CACNB4: variants seen among roughly 807,000 people sequenced by gnomAD.
CACNB4 encodes voltage-dependent L-type calcium channel subunit beta-4.
Under a neutral mutation model 71.2 loss-of-function variants are expected in CACNB4, and 32 were observed. The ratio of observed to expected loss-of-function variants is 0.45; its 90% CI spans 0.34 to 0.60. The LOEUF is 0.60. CACNB4 is among the 20% of genes least tolerant of loss of function. The pLI is 0.01. For synonymous variants in CACNB4, 231 were observed against 236.9 expected, an observed-to-expected ratio of 0.97 and a Z score of 0.23; for missense variants, 464 against 647.9, an observed-to-expected ratio of 0.72 and a Z score of 3.08.
At chr2:152,044,652 T>A (rs1020640720) in intron 2 of CACNB4, among the ~76,000 whole-genome samples, 5 of 152,184 alleles carry the variant, frequency 3.3e-5, no homozygotes, top group African/African-American at 1.2e-4. Context: ...CACATACAAA[T>A]AAAAACTACT....
At chr2:152,014,952 G>A (rs1379797103) in intron 2 of CACNB4, among the ~76,000 whole-genome samples, 1 of 152,152 alleles carries the variant, frequency 6.6e-6, no homozygotes, top group African/African-American at 2.4e-5. Context: ...TGGAAGGCAA[G>A]GCGCTGTAAA....
Position 151,917,514 on chromosome 2 carries a change from A to G in CACNB4, c.148-34144T>C, listed in dbSNP as rs1196534583. Among the ~76,000 whole-genome samples the G allele has an allele frequency of 2.0e-5, 3 of 152,156 alleles. No homozygotes were observed. In the East Asian group the frequency reaches 5.8e-4, roughly 29 times the overall value. ...AAATGTTTAAAAATATATTTGCTAC[A>G]GTGAGGATGATGATGAATACCAGAT... On this transcript the variant is annotated intron_variant, in intron 2 of 13. Transcript: ENST00000539935.
intron 2 of CACNB4, among the ~76,000 whole-genome samples, chr2:151,986,918 G>GC (rs1553804216): frequency 6.6e-6 from 1 of 152,042 alleles, no homozygotes; most frequent in Non-Finnish European, 1.5e-5. Flanking sequence ...TTCAGAGATT[G>GC]TTTTTTTCCC....
At chr2:151,916,667 G>A (rs1055198118) in intron 2 of CACNB4, among the ~76,000 whole-genome samples, 4 of 152,168 alleles carry the variant, frequency 2.6e-5, no homozygotes, top group East Asian at 1.9e-4. Context: ...TTGAAACTAC[G>A]TACAATACCT....
chr2:152,010,387 G>A (rs1376634584), intron 2 of CACNB4, among the ~76,000 whole-genome samples: 1 of 152,148 alleles, frequency 6.6e-6, no homozygotes, highest in Non-Finnish European at 1.5e-5. Flanking sequence ...GAAGGCTTTG[G>A]GACTTGAGAT....
rs545499225 is a variant in CACNB4, at chr2:151,869,592, C to T, written c.700-357G>A. ...CTTGGCACGCCTGAGTTGTGCCTGC[C>T]TCCAGTGAGGAGCAGCTAGAGAACT... On this transcript the variant is annotated intron_variant, in intron 8 of 13. Transcript: ENST00000539935. The T allele has an allele frequency of 1.6e-5, 3 of 188,964 alleles. No homozygotes were observed. In the Admixed American group the frequency reaches 1.7e-4, roughly 11 times the overall value. The allele number at this position is 188,964 out of a possible 1,614,324, so 11.7% of individuals were successfully genotyped here.
At chr2:152,041,274 G>A (rs1579185573) in intron 2 of CACNB4, among the ~76,000 whole-genome samples, 1 of 152,294 alleles carries the variant, frequency 6.6e-6, no homozygotes, top group African/African-American at 2.4e-5. Context: ...TTTGTGTATA[G>A]AGAGATCTGT....
upstream of CACNB4, chr2:152,099,049 G>A (rs1688448936): frequency 1.4e-6 from 2 of 1,433,346 alleles, no homozygotes; most frequent in Non-Finnish European, 1.9e-6. Flanking sequence ...GTGTGCGGTG[G>A]GCGGAGGGGG....
chr2:151,849,753 C>T (rs1281512017), intron 12 of CACNB4, among the ~76,000 whole-genome samples: 1 of 152,184 alleles, frequency 6.6e-6, no homozygotes, highest in Non-Finnish European at 1.5e-5. Context: ...GGTACCAGGT[C>T]AGCCGCCAGC....
intron 12 of CACNB4, among the ~76,000 whole-genome samples, chr2:151,842,861 G>A (rs1559850207): frequency 6.6e-6 from 1 of 152,122 alleles, no homozygotes; most frequent in Non-Finnish European, 1.5e-5. Context: ...TTCTCCTAAG[G>A]TAACTATGTT....
intron 2 of CACNB4, among the ~76,000 whole-genome samples, chr2:152,075,289 T>C (rs1686948149): frequency 6.6e-6 from 1 of 152,238 alleles, no homozygotes; most frequent in Non-Finnish European, 1.5e-5. Context: ...ACAGCTCTGC[T>C]GGTGTTGCTT....
Position 152,098,312 on chromosome 2 carries a change from C to T in CACNB4, c.147+18G>A. 6.2e-7 allele frequency: 1 copy of T among 1,605,972 alleles called. No individual in the cohort carries two copies. The highest frequency in any genetic ancestry group is 8.5e-7 in the Non-Finnish European group (1 of 1,172,782). On this transcript the variant is annotated intron_variant, in intron 2 of 13. Coordinates refer to ENST00000539935, the MANE Select transcript of CACNB4 (RefSeq NM_000726.5). This position sits in a 1 kb window ranked among gnomAD's most constrained non-coding sequence, Gnocchi z 5.3. ...CTCGGCCTCCTCCCCATCCTGGTCT[C>T]CCGCCTCCTTCTCATACCTGTCTGA...
chr2:152,084,064 A>C (rs1195393472), intron 2 of CACNB4, among the ~76,000 whole-genome samples: 2 of 152,246 alleles, frequency 1.3e-5, no homozygotes, highest in Admixed American at 6.5e-5. Context: ...GAGGACGAAG[A>C]GTTTGTGTCT....
intron 2 of CACNB4, among the ~76,000 whole-genome samples, chr2:151,934,674 TA>T (rs2099862485): frequency 6.6e-6 from 1 of 151,962 alleles, no homozygotes; most frequent in South Asian, 2.1e-4. Flanking sequence ...CCGTCTCTAC[TA>T]AAAATACACA....
intron 2 of CACNB4, among the ~76,000 whole-genome samples, chr2:151,989,783 A>G (rs1230280815): frequency 6.6e-6 from 1 of 152,206 alleles, no homozygotes; most frequent in East Asian, 1.9e-4. Flanking sequence ...AACATGTGCA[A>G]TAGTGAACTC....
intron 2 of CACNB4, among the ~76,000 whole-genome samples, chr2:151,948,042 T>C (rs1298066679): frequency 2.6e-5 from 4 of 152,234 alleles, no homozygotes; most frequent in Non-Finnish European, 4.4e-5. Context: ...GTTTTTGGCA[T>C]GCATAAGGCA....
chr2:151,934,729 T>C (rs2099862507), intron 2 of CACNB4, among the ~76,000 whole-genome samples: 1 of 151,970 alleles, frequency 6.6e-6, no homozygotes, highest in Non-Finnish European at 1.5e-5. Context: ...CCCAGCTACT[T>C]GGGAGGCTGA....
chr2:151,844,533 C>T (rs1157265832), intron 12 of CACNB4, among the ~76,000 whole-genome samples: 1 of 152,204 alleles, frequency 6.6e-6, no homozygotes, highest in African/African-American at 2.4e-5. Flanking sequence ...CAATAAATCC[C>T]CTTTTCCACT....
intron 2 of CACNB4, among the ~76,000 whole-genome samples, chr2:152,009,483 T>C (rs1049671460): frequency 6.6e-6 from 1 of 152,168 alleles, no homozygotes; most frequent in African/African-American, 2.4e-5. Flanking sequence ...AAATGTACCA[T>C]AGTAAGGTAA....
Sources: gnomAD v4.1 joint callset for allele counts (sites outside exome capture counted in the v4.1 genomes callset) on GRCh38, gnomAD v4.1.1 for gene constraint, Gnocchi (gnomAD v3.1) non-coding constraint, MANE v1.5 for transcripts, NCBI Gene and HGNC (gene_info 2026-07-23, HGNC 2026-07-21) for gene names.